Variants in TTYH3 observed in about 807,000 individuals in gnomAD.
The protein encoded by TTYH3 is tweety family member 3, also known as protein tweety homolog 3.
TTYH3 carries 23 observed loss-of-function variants against 68.2 expected under a neutral mutation model. The observed-to-expected ratio is 0.34, with a 90% CI of 0.24 to 0.48. The LOEUF (loss-of-function observed/expected upper bound fraction) is 0.48. TTYH3 is among the 20% of genes least tolerant of loss of function. TTYH3 has a pLI of 0.99. For synonymous variants in TTYH3, 360 were observed against 332.8 expected, an observed-to-expected ratio of 1.08 and a Z score of -0.89; for missense variants, 768 against 727.7, an observed-to-expected ratio of 1.06 and a Z score of -0.64.
rs371731067 is a variant in TTYH3, at chr7:2,653,722, G to A, written c.1020+712G>A. Among the ~76,000 whole-genome samples the A allele has an allele frequency of 3.0e-4, 45 of 152,308 alleles. No homozygotes were observed. In the East Asian group the frequency reaches 7.1e-3, roughly 24 times the overall value. Reference sequence around the variant, plus strand: ...TACTAAAAATACATAAATTAGCTGGGCGTGGTGGTACACGCCTGTAATCCC... The same window carrying A: ...TACTAAAAATACATAAATTAGCTGGACGTGGTGGTACACGCCTGTAATCCC... On this transcript the variant is annotated intron_variant, in intron 9 of 13. Transcript: ENST00000258796.
chr7:2,647,532 C>T lies in TTYH3; in HGVS notation c.520C>T (p.Leu174=), dbSNP rs117546595. 3.8e-4 allele frequency: 594 copies of T among 1,551,270 alleles called. 3 individuals are homozygous for T. In the East Asian group the frequency reaches 0.014, roughly 36 times the overall value. ...PLRAVQRLQG[L]LETLLGYTAA... is the part of the protein sequence containing the mutation. ...GCGAGCCGTACAGAGGCTGCAGGGC[C>T]TGCTGGAGACGCTGCTGGGCTACAC... The change falls in exon 4 of 14, where the codon CTG becomes TTG. Residue 174 remains leucine, a synonymous_variant. Coordinates refer to ENST00000258796, the MANE Select transcript of TTYH3 (RefSeq NM_025250.3).
At chr7:2,661,609 C>T (rs1786498662) in intron 13 of TTYH3, 59 bp from the exon 14 acceptor site, 3 of 1,548,808 alleles carry the variant, frequency 1.9e-6, no homozygotes, top group Admixed American at 3.6e-5. Flanking sequence ...CGGAAGGCGC[C>T]CCTGGCTGCG....
Position 2,647,623 on chromosome 7 carries a change from T to C in TTYH3, c.611T>C (p.Leu204Pro). The part of the protein sequence containing the change: ...SLEVLAEQVD[L>P]YDWYRWLGYL... ...GAGGTGCTGGCGGAGCAGGTGGATCTCTACGACTGGTACAGGTGCGGCCAG... is the reference window on the plus strand; with the variant it reads ...GAGGTGCTGGCGGAGCAGGTGGATCCCTACGACTGGTACAGGTGCGGCCAG... Residue 204 changes from leucine to proline, a missense_variant, in exon 4 of 14, where the codon CTC becomes CCC. Physicochemically the swap from Leu to Pro is moderately conservative, Grantham distance 98. Coordinates refer to ENST00000258796, the MANE Select transcript of TTYH3 (RefSeq NM_025250.3). The C allele has an allele frequency of 6.4e-7, 1 of 1,571,234 alleles. No individual in the cohort carries two copies. Among genetic ancestry groups the C allele is most frequent in the South Asian group, 1.2e-5 (1 of 85,464 alleles).
At chr7:2,646,769 T>C (rs1785994836) in intron 1 of TTYH3, 84 bp from the exon 2 acceptor site, 2 of 1,414,662 alleles carry the variant, frequency 1.4e-6, no homozygotes, top group East Asian at 2.5e-5. Context: ...AATGGGAGTC[T>C]GCGCCAGGTC....
intron 1 of TTYH3, among the ~76,000 whole-genome samples, chr7:2,637,575 C>T (rs866463931): frequency 6.6e-6 from 1 of 152,304 alleles, no homozygotes; most frequent in Admixed American, 6.5e-5. Flanking sequence ...GGCATCTACA[C>T]TTCCCCCACC....
In TTYH3 at chr7:2,658,344, A is replaced by T; in HGVS notation, c.1309A>T (p.Ser437Cys). 1.2e-6 allele frequency: 2 copies of T among 1,608,122 alleles called. No individual in the cohort carries two copies. Among genetic ancestry groups the T allele is most frequent in the Non-Finnish European group, 1.7e-6 (2 of 1,177,858 alleles). The change falls in exon 12 of 14, where the codon AGC becomes TGC. Residue 437 changes from serine to cysteine, a missense_variant. Transcript: ENST00000258796. ...TCCAGGGCCGCGGCAGGCGCACGAC[A>T]GCCTCTACCGCGTCCACATGCCCAG... The part of the protein sequence containing the change: ...AAPGPRQAHD[S>C]LYRVHMPSLY...
chr7:2,641,197 C>G (rs1425934627), intron 1 of TTYH3, among the ~76,000 whole-genome samples: 1 of 152,222 alleles, frequency 6.6e-6, no homozygotes, highest in African/African-American at 2.4e-5. Context: ...TACTGGGATC[C>G]TATCGGTAGC....
At chr7:2,640,835 C>T (rs1461337381) in intron 1 of TTYH3, among the ~76,000 whole-genome samples, 3 of 152,228 alleles carry the variant, frequency 2.0e-5, no homozygotes, top group Non-Finnish European at 4.4e-5. Context: ...GCCCTCCCTT[C>T]TCCAAGCAGG....
At chr7:2,658,505 G>T (rs750341374) in intron 12 of TTYH3, 46 bp downstream of exon 12, 2 of 1,566,140 alleles carry the variant, frequency 1.3e-6, no homozygotes, top group Admixed American at 1.8e-5. Flanking sequence ...CGTCAGCTGC[G>T]GCTGAGAGCG....
chr7:2,660,114 C>T (rs549407377), intron 13 of TTYH3: 53 of 1,241,418 alleles, frequency 4.3e-5, no homozygotes, highest in Admixed American at 1.8e-4. Flanking sequence ...CACTCACTGC[C>T]GCCCTCCCGT....
chr7:2,664,610 C>G lies in TTYH3; in HGVS notation c.*2871C>G, dbSNP rs1014873870. On this transcript the variant is annotated 3_prime_UTR_variant, in exon 14 of 14. Coordinates refer to ENST00000258796, the MANE Select transcript of TTYH3 (RefSeq NM_025250.3). ...GAACCATTTTGCATTTCCCCCTCCT[C>G]CAGCCTCTGTAGGGCCATGGCTGTA... 1.3e-5 allele frequency: 2 copies of G among 152,346 alleles called. No homozygotes were observed. The highest frequency in any genetic ancestry group is 1.9e-4 in the East Asian group (1 of 5,274). 9.4% of individuals were successfully genotyped at this position (152,346 alleles called of 1,614,324 possible).
chr7:2,643,934 C>G (rs562443573), intron 1 of TTYH3, among the ~76,000 whole-genome samples: 9 of 152,192 alleles, frequency 5.9e-5, no homozygotes, highest in Admixed American at 3.3e-4. Flanking sequence ...GCAGTACAGA[C>G]AGGCCCTCCT....
chr7:2,646,404 C>T (rs1474991099), intron 1 of TTYH3, among the ~76,000 whole-genome samples: 1 of 152,248 alleles, frequency 6.6e-6, no homozygotes, highest in Non-Finnish European at 1.5e-5. Context: ...GATGGTGGCT[C>T]ACCAGCAGCG....
At chr7:2,659,781 G>A (rs1008616777) in intron 13 of TTYH3, among the ~76,000 whole-genome samples, 2 of 152,146 alleles carry the variant, frequency 1.3e-5, no homozygotes, top group African/African-American at 4.8e-5. Flanking sequence ...CCGGGCCTGT[G>A]AGGTTCAGGC....
At position 2,650,460 on chromosome 7, in the gene TTYH3, C is replaced by T. The variant is rs544690654; in HGVS notation, c.871+472C>T. On this transcript the variant is annotated intron_variant, in intron 7 of 13. Coordinates refer to ENST00000258796, the MANE Select transcript of TTYH3 (RefSeq NM_025250.3). ...GGGTGTGGTCGTGGGTGCCTGTAAT[C>T]CCAGCTACTCCGGAGACTGAGGCAC... 2.0e-5 allele frequency among the ~76,000 whole-genome samples: 3 copies of T among 152,198 alleles called. No homozygotes were observed. In the South Asian group the frequency reaches 6.2e-4, roughly 32 times the overall value.
Position 2,641,355 on chromosome 7 carries a change from C to T in TTYH3, c.124-5498C>T, listed in dbSNP as rs1284586505. ...GCTCACGGTGGGAGGGGGCATCCCC[C>T]ATGGATGCCGTCTGTGGCTGTGGGG... is the stretch of plus-strand genomic sequence containing the variant. On this transcript the variant is annotated intron_variant, in intron 1 of 13. Transcript: ENST00000258796. Among the ~76,000 whole-genome samples the T allele has an allele frequency of 2.0e-5, 3 of 150,466 alleles. No individual in the cohort carries two copies. In the Admixed American group the frequency reaches 2.0e-4, roughly 10 times the overall value.
chr7:2,662,599 C>G lies in TTYH3; in HGVS notation c.*860C>G, dbSNP rs1210269561. 6.5e-6 allele frequency: 1 copy of G among 153,106 alleles called. No homozygotes were observed. The highest frequency in any genetic ancestry group is 1.5e-5 in the Non-Finnish European group (1 of 68,392). 9.5% of individuals were successfully genotyped at this position (153,106 alleles called of 1,614,324 possible). ...GGGCTGAGGGGGACCGCTGGCACCCCCCTTCCCTCCCTTCTTGGTTCCATT... is the reference window on the plus strand; with the variant it reads ...GGGCTGAGGGGGACCGCTGGCACCCGCCTTCCCTCCCTTCTTGGTTCCATT... On this transcript the variant is annotated 3_prime_UTR_variant, in exon 14 of 14. Coordinates refer to ENST00000258796, the MANE Select transcript of TTYH3 (RefSeq NM_025250.3).
In TTYH3 at chr7:2,661,714, G is replaced by T. The variant is rs772319940; in HGVS notation, c.1547G>T (p.Arg516Leu). 1 of 1,611,444 alleles carries T rather than the reference G, an allele frequency of 6.2e-7. No individual in the cohort carries two copies. Among genetic ancestry groups the T allele is most frequent in the Admixed American group, 1.7e-5 (1 of 59,902 alleles). Residue 516 changes from arginine to leucine, a missense_variant, in exon 14 of 14, where the codon CGC becomes CTC. Physicochemically the swap from Arg to Leu is moderately radical, Grantham distance 102. Transcript: ENST00000258796. ...RAKYLATSQP[R>L]PDSSGSH ...AAATACCTCGCCACGAGCCAGCCTC[G>T]CCCTGACTCCAGCGGCAGCCACTAG... is the stretch of plus-strand genomic sequence containing the variant.
At chr7:2,649,127 G>T (rs1288633025) in intron 5 of TTYH3, among the ~76,000 whole-genome samples, 2 of 152,082 alleles carry the variant, frequency 1.3e-5, no homozygotes, top group Non-Finnish European at 2.9e-5. Context: ...TGAGGGAGAG[G>T]CCAGTGCCGT....
Sources: gnomAD v4.1 joint callset for allele counts (sites outside exome capture counted in the v4.1 genomes callset) on GRCh38, gnomAD v4.1.1 for gene constraint, MANE v1.5 for transcripts, NCBI Gene and HGNC (gene_info 2026-07-23, HGNC 2026-07-21) for gene names.